The following TMEM50B variants were observed in gnomAD, a reference collection of about 807,000 sequenced individuals.
The protein encoded by TMEM50B is transmembrane protein 50B, also known as HCV p7-trans-regulated protein 3.
Under a neutral mutation model 23.4 loss-of-function variants are expected in TMEM50B, and 14 were observed. The ratio of observed to expected loss-of-function variants is 0.60; its 90% CI spans 0.39 to 0.93. TMEM50B has a LOEUF of 0.93. TMEM50B is among the 40% of genes least tolerant of loss of function. The pLI is 0.00. For missense variants in TMEM50B, 159 were observed against 193.0 expected (o/e 0.82, Z 1.04); for synonymous variants, 64 against 62.3 (o/e 1.03, Z -0.13).
At chr21:33,469,283 C>T (rs2084291300) in intron 1 of TMEM50B, among the ~76,000 whole-genome samples, 1 of 152,014 alleles carries the variant, frequency 6.6e-6, no homozygotes, top group Non-Finnish European at 1.5e-5. Context: ...AACCTTGTCT[C>T]TACTAAAAAT....
intron 7 of TMEM50B, among the ~76,000 whole-genome samples, chr21:33,440,238 TCA>T (rs1424006213): frequency 1.3e-5 from 2 of 152,188 alleles, no homozygotes; most frequent in Non-Finnish European, 2.9e-5. Context: ...GAATATTTCA[TCA>T]CACATGAAAA....
At chr21:33,472,567 A>G (rs35330441) in intron 1 of TMEM50B, among the ~76,000 whole-genome samples, 1 of 151,666 alleles carries the variant, frequency 6.6e-6, no homozygotes, top group Non-Finnish European at 1.5e-5. Context: ...AATAAGAAAT[A>G]AAAAAATTTT....
At chr21:33,441,112 C>T (rs1047009239) in intron 7 of TMEM50B, among the ~76,000 whole-genome samples, 3 of 151,890 alleles carry the variant, frequency 2.0e-5, no homozygotes, top group African/African-American at 4.8e-5. Context: ...TGCCTGTAAT[C>T]ACAGCTATTC....
downstream of TMEM50B, chr21:33,447,275 A>C (rs7282496): frequency 0.59 from 88,963 of 152,026 alleles, 28,076 homozygotes; most frequent in East Asian, 0.83. Context: ...CAGTGTTCTA[A>C]AAGCAACTTG....
intron 5 of TMEM50B, 169 bp downstream of exon 5, chr21:33,460,244 A>G: frequency 1.6e-6 from 1 of 608,322 alleles, no homozygotes; most frequent in South Asian, 2.0e-5. Flanking sequence ...ATCCTACTGC[A>G]CTAAGTGTTC....
chr21:33,456,670 C>T (rs976952269), intron 5 of TMEM50B, among the ~76,000 whole-genome samples: 4 of 152,228 alleles, frequency 2.6e-5, no homozygotes, highest in Middle Eastern at 3.4e-3. Context: ...GGTTTGAATC[C>T]TATCTATACC....
intron 7 of TMEM50B, among the ~76,000 whole-genome samples, chr21:33,441,288 G>T (rs1303807663): frequency 1.3e-5 from 2 of 152,110 alleles, no homozygotes; most frequent in African/African-American, 4.8e-5. Flanking sequence ...AGTCACTATG[G>T]CCACTATGTC....
chr21:33,467,782 T>C (rs1356582131), intron 2 of TMEM50B, among the ~76,000 whole-genome samples: 1 of 152,210 alleles, frequency 6.6e-6, no homozygotes, highest in East Asian at 1.9e-4. Context: ...TCGTTAGTTC[T>C]TGCTCTGCTT....
downstream of TMEM50B, among the ~76,000 whole-genome samples, chr21:33,448,252 CAA>C (rs1002165479): frequency 6.6e-6 from 1 of 152,186 alleles, no homozygotes; most frequent in African/African-American, 2.4e-5. Context: ...CTCGGCCTCC[CAA>C]AGTGCTGGGA....
downstream of TMEM50B, among the ~76,000 whole-genome samples, chr21:33,446,399 G>A (rs1601108381): frequency 6.6e-6 from 1 of 150,848 alleles, no homozygotes; most frequent in African/African-American, 2.4e-5. Context: ...ACCATACTTG[G>A]CTAATTTTTT....
intron 5 of TMEM50B, 29 bp from the exon 6 acceptor site, chr21:33,455,813 C>T (rs778258682): frequency 4.5e-5 from 71 of 1,570,094 alleles, no homozygotes; most frequent in Admixed American, 1.2e-4. Flanking sequence ...ACAGATTAGA[C>T]GGTTATATAG....
At chr21:33,459,667 C>CAAAAA (rs34183635) in intron 5 of TMEM50B, among the ~76,000 whole-genome samples, 1 of 124,032 alleles carries the variant, frequency 8.1e-6, no homozygotes, top group Non-Finnish European at 1.7e-5. Flanking sequence ...GACTCCGTCT[C>CAAAAA]AAAAAAAAAA....
rs2084112229 is a variant in TMEM50B at position 33,450,784 on chromosome 21, A to G, written c.*34T>C. On this transcript the variant is annotated 3_prime_UTR_variant, in exon 7 of 7. Transcript: ENST00000542230. ...TAAAAAACCTATCTACAAACAGAAT[A>G]TAACAAAAGGAAAATGTGACTTAAG... 1 of 1,593,600 alleles carries G rather than the reference A, an allele frequency of 6.3e-7. No homozygotes were observed. The highest frequency in any genetic ancestry group is 8.6e-7 in the Non-Finnish European group (1 of 1,166,340).
At chr21:33,465,006 T>G (rs996848867) in intron 4 of TMEM50B, 3 of 207,962 alleles carry the variant, frequency 1.4e-5, no homozygotes, top group Non-Finnish European at 1.9e-5. Context: ...ATTACTTTCC[T>G]GTTAATAATC....
At chr21:33,477,792 CAA>C (rs1245437046) in intron 1 of TMEM50B, among the ~76,000 whole-genome samples, 1 of 151,494 alleles carries the variant, frequency 6.6e-6, no homozygotes, top group Non-Finnish European at 1.5e-5. Context: ...GCCTGGGCAA[CAA>C]GAGCAAAACT....
In TMEM50B at chr21:33,434,180, G is replaced by A. The variant is rs535291726; in HGVS notation, c.*2121-1378C>T. Among the ~76,000 whole-genome samples the A allele has an allele frequency of 3.3e-5, 5 of 152,238 alleles. No homozygotes were observed. The East Asian group carries it at 7.7e-4, about 24-fold the overall frequency. On this transcript the variant is annotated intron_variant and NMD_transcript_variant, in intron 8 of 8. Transcript: ENST00000420455. ...AGGCCATTGGGCCTTCTGAGGACAC[G>A]GTCAGGACATTTTGGGGATCAGAGG...
chr21:33,467,125 TA>T lies in TMEM50B; in HGVS notation c.100-4del. 6.2e-7 allele frequency: 1 copy of T among 1,612,412 alleles called. No homozygotes were observed. The highest frequency in any genetic ancestry group is 8.5e-7 in the Non-Finnish European group (1 of 1,178,588). ...ATTATCCACCAGCCTGTAAAAAACT[TA>T]AAACACAGCCCAAGTCACTGAAACA... On this transcript the variant is annotated splice_region_variant and splice_polypyrimidine_tract_variant and intron_variant, in intron 2 of 6. Coordinates refer to ENST00000542230, the MANE Select transcript of TMEM50B (RefSeq NM_006134.7).
intron 6 of TMEM50B, among the ~76,000 whole-genome samples, chr21:33,451,869 G>A (rs753952771): frequency 1.6e-4 from 25 of 152,172 alleles, no homozygotes; most frequent in Non-Finnish European, 2.9e-4. Context: ...TCAAAAGGTA[G>A]TAGGCAGGGA....
intron 5 of TMEM50B, among the ~76,000 whole-genome samples, chr21:33,458,297 T>C (rs1008265487): frequency 3.3e-5 from 5 of 152,164 alleles, no homozygotes; most frequent in Non-Finnish European, 7.3e-5. Context: ...GTGGATCACC[T>C]GAGGTCAGGA....
Sources: gnomAD v4.1 joint callset for allele counts (sites outside exome capture counted in the v4.1 genomes callset) on GRCh38, gnomAD v4.1.1 for gene constraint, MANE v1.5 for transcripts, NCBI Gene and HGNC (gene_info 2026-07-23, HGNC 2026-07-21) for gene names.